Variants in ECHDC3 observed in about 807,000 individuals in gnomAD.
ECHDC3 encodes the protein enoyl-CoA hydratase domain-containing protein 3, mitochondrial.
Under a neutral mutation model 17.9 loss-of-function variants are expected in ECHDC3, and 20 were observed. The observed-to-expected ratio is 1.12, with a 90% CI of 0.79 to 1.63. The LOEUF is 1.63. Ranked by LOEUF, ECHDC3 falls within the 40% of genes most tolerant of loss-of-function variation. The probability of loss-of-function intolerance (pLI) is 0.00; values close to 1 mark genes in which losing one functional copy is unlikely to be tolerated. For synonymous variants in ECHDC3, 177 were observed against 149.7 expected (o/e 1.18, Z -1.33); for missense variants, 407 against 357.7 (o/e 1.14, Z -1.11).
At chr10:11,744,326 T>C (rs1220947603) in intron 1 of ECHDC3, among the ~76,000 whole-genome samples, 4 of 152,172 alleles carry the variant, frequency 2.6e-5, no homozygotes, top group African/African-American at 4.8e-5. Flanking sequence ...TGAAAAGAGA[T>C]GGTGAAAAAA....
intron 3 of ECHDC3, among the ~76,000 whole-genome samples, chr10:11,751,905 C>T (rs1036446439): frequency 4.6e-5 from 7 of 152,114 alleles, no homozygotes; most frequent in African/African-American, 1.7e-4. Flanking sequence ...TAACATGAAA[C>T]CCTTAGCGAT....
At chr10:11,744,878 C>T (rs575430686) in intron 1 of ECHDC3, among the ~76,000 whole-genome samples, 1 of 152,158 alleles carries the variant, frequency 6.6e-6, no homozygotes, top group East Asian at 1.9e-4. Context: ...TCGGGATGAA[C>T]GCGTGCACCT....
rs138286174 is a variant in ECHDC3 at position 11,763,426 on chromosome 10, C to T, written c.794C>T (p.Thr265Met). 49 of 813,580 alleles carry T rather than the reference C, an allele frequency of 6.0e-5. No individual in the cohort carries two copies. The highest frequency in any genetic ancestry group is 9.4e-5 in the Non-Finnish European group (43 of 457,092). The allele number at this position is 813,580 out of a possible 1,614,324, so 50.4% of individuals were successfully genotyped here. A position where few individuals can be genotyped will look rare whatever the true frequency, so the allele number is the denominator to read the frequency against. Residue 265 changes from threonine (T) to methionine (M), a missense_variant, in exon 5 of 5, where the codon ACG becomes ATG. Coordinates refer to ENST00000379215, the MANE Select transcript of ECHDC3 (RefSeq NM_024693.5). The surrounding 1 kb of genome is among the most constrained non-coding windows in gnomAD (Gnocchi z 4.9). ...FYKQLPQDLG[T>M]AYYLTSQAMV... Reference sequence around the variant, plus strand: ...AAGCAGCTGCCCCAGGACCTGGGGACGGCTTACTACCTCACCTCCCAGGCC... The same window carrying T: ...AAGCAGCTGCCCCAGGACCTGGGGATGGCTTACTACCTCACCTCCCAGGCC...
At chr10:11,755,291 A>T in intron 3 of ECHDC3, 117 bp from the exon 4 acceptor site, 1 of 927,826 alleles carries the variant, frequency 1.1e-6, no homozygotes, top group Non-Finnish European at 1.6e-6. Context: ...TTGCCACTGC[A>T]CTCCATCCTG....
At chr10:11,752,415 C>T (rs139219157) in intron 3 of ECHDC3, among the ~76,000 whole-genome samples, 27 of 151,344 alleles carry the variant, frequency 1.8e-4, no homozygotes, top group Middle Eastern at 3.4e-3. Context: ...CCACAGCACC[C>T]GGCCTAAAAT....
rs555905043 is a variant in ECHDC3, at chr10:11,756,585, G to A, written c.591+977G>A. ...TTAGTTTTTGCAGAAATGTGTGTTT[G>A]TGGGGAAATTCTGAAGACAGATACC... On this transcript the variant is annotated intron_variant, in intron 4 of 4. Coordinates refer to ENST00000379215, the MANE Select transcript of ECHDC3 (RefSeq NM_024693.5). 9.2e-5 allele frequency among the ~76,000 whole-genome samples: 14 copies of A among 152,276 alleles called. 1 individual carries two copies. The East Asian group carries it at 2.1e-3, about 23-fold the overall frequency.
At chr10:11,759,730 C>T (rs574941392) in intron 4 of ECHDC3, among the ~76,000 whole-genome samples, 1 of 152,290 alleles carries the variant, frequency 6.6e-6, no homozygotes, top group South Asian at 2.1e-4. Context: ...CACCCCCGTT[C>T]CAAGGCTGGG....
In ECHDC3 at chr10:11,742,606, CG is replaced by C; in HGVS notation, c.34del (p.Ala12GlnfsTer45). 1 of 1,297,844 alleles carries C rather than the reference CG, an allele frequency of 7.7e-7. No individual in the cohort carries two copies. Among genetic ancestry groups the C allele is most frequent in the Non-Finnish European group, 9.8e-7 (1 of 1,023,704 alleles). 80.4% of individuals were successfully genotyped at this position (1,297,844 alleles called of 1,614,324 possible). ...CCGCCGTCGCCGTCTTGCGGGCCTT[CG>C]GGGCAAGTGGGCCCATGTGTCTCCG... MAAVAVLRAF[G>X]ASGPMCLRRG... On this transcript the variant is annotated frameshift_variant, in exon 1 of 5. Coordinates refer to ENST00000379215, the MANE Select transcript of ECHDC3 (RefSeq NM_024693.5). LOFTEE classifies it high-confidence loss of function.
intron 4 of ECHDC3, among the ~76,000 whole-genome samples, chr10:11,758,905 A>G (rs1404190693): frequency 3.9e-5 from 6 of 152,194 alleles, no homozygotes; most frequent in African/African-American, 1.4e-4. Context: ...TCCCTGGGAG[A>G]CAGATGCTAT....
intron 4 of ECHDC3, among the ~76,000 whole-genome samples, chr10:11,760,391 G>T (rs546086170): frequency 8.5e-5 from 13 of 152,208 alleles, no homozygotes; most frequent in African/African-American, 3.1e-4. Context: ...ACACACTGCC[G>T]GCCCAGGCTG....
chr10:11,750,939 A>G (rs1424236974), intron 3 of ECHDC3, among the ~76,000 whole-genome samples: 3 of 152,182 alleles, frequency 2.0e-5, no homozygotes, highest in Non-Finnish European at 4.4e-5. Flanking sequence ...AGATCAGGTT[A>G]TATTTTTGTC....
chr10:11,762,517 G>T (rs1448454959), intron 4 of ECHDC3, among the ~76,000 whole-genome samples: 1 of 152,248 alleles, frequency 6.6e-6, no homozygotes, highest in Non-Finnish European at 1.5e-5. Context: ...GAGGAGCCAG[G>T]CTTGGTAGCG....
chr10:11,750,316 C>T (rs1309724923), intron 3 of ECHDC3, among the ~76,000 whole-genome samples: 1 of 152,104 alleles, frequency 6.6e-6, no homozygotes, highest in African/African-American at 2.4e-5. Context: ...ACTAAAACAA[C>T]TCTATTAAAT....
At position 11,755,594 on chromosome 10, in the gene ECHDC3, G is replaced by T. The variant is rs764720626; in HGVS notation, c.577G>T (p.Ala193Ser). The change falls in exon 4 of 5, where the codon GCA (alanine) becomes TCA (serine). Residue 193 changes from alanine to serine, a missense_variant. Ala to Ser is a moderately conservative substitution (Grantham distance 99). Coordinates refer to ENST00000379215, the MANE Select transcript of ECHDC3 (RefSeq NM_024693.5). ...CSTPGVALAR[A>S]VPRKVALEML... The stretch of plus-strand genomic sequence containing the variant: ...TACCCCTGGGGTTGCCTTGGCAAGA[G>T]CAGTGCCTAGAAAGGTAATTTAACT... 6.2e-7 allele frequency: 1 copy of T among 1,612,590 alleles called. No individual in the cohort carries two copies. The highest frequency in any genetic ancestry group is 1.1e-5 in the South Asian group (1 of 90,764).
intron 1 of ECHDC3, among the ~76,000 whole-genome samples, chr10:11,744,246 C>T (rs1004116489): frequency 2.0e-5 from 3 of 152,214 alleles, no homozygotes; most frequent in Admixed American, 2.0e-4. Context: ...GCCAGTAGGT[C>T]TCACCAGGGT....
chr10:11,755,666 CA>C, intron 4 of ECHDC3, 58 bp downstream of exon 4: 1 of 1,464,914 alleles, frequency 6.8e-7, no homozygotes, highest in Admixed American at 1.9e-5. Context: ...GTTCCTCCTC[CA>C]GTGCATGCGA....
At chr10:11,751,871 A>T (rs1832828397) in intron 3 of ECHDC3, among the ~76,000 whole-genome samples, 1 of 152,214 alleles carries the variant, frequency 6.6e-6, no homozygotes, top group South Asian at 2.1e-4. Context: ...TGACAATGGG[A>T]CAAGATTTCT....
chr10:11,748,454 A>G (rs12573515), intron 2 of ECHDC3, among the ~76,000 whole-genome samples: 60,474 of 151,838 alleles, frequency 0.4, 12,339 homozygotes, highest in Admixed American at 0.46. Context: ...TCGAACTCCT[A>G]GCCTCAAGCA....
chr10:11,760,390 C>T (rs185149162), intron 4 of ECHDC3, among the ~76,000 whole-genome samples: 7 of 152,352 alleles, frequency 4.6e-5, no homozygotes, highest in East Asian at 3.9e-4. Flanking sequence ...TACACACTGC[C>T]GGCCCAGGCT....
Sources: gnomAD v4.1 joint callset for allele counts (sites outside exome capture counted in the v4.1 genomes callset) on GRCh38, gnomAD v4.1.1 for gene constraint, Gnocchi (gnomAD v3.1) non-coding constraint, MANE v1.5 for transcripts, NCBI Gene and HGNC (gene_info 2026-07-23, HGNC 2026-07-21) for gene names.